Variants in PNLIPRP3 observed in about 807,000 individuals in gnomAD.
PNLIPRP3 encodes pancreatic lipase related protein 3.
In PNLIPRP3, 58 loss-of-function variants were observed where a neutral mutation model predicts 52.8. The ratio of observed to expected loss-of-function variants is 1.10; its 90% CI spans 0.89 to 1.37. The LOEUF is 1.37. Ranked by LOEUF, PNLIPRP3 falls within the 40% of genes most tolerant of loss-of-function variation. The pLI is 0.00. For missense variants in PNLIPRP3, 593 were observed against 561.6 expected, an observed-to-expected ratio of 1.06 and a Z score of -0.57; for synonymous variants, 192 against 185.0, an observed-to-expected ratio of 1.04 and a Z score of -0.31.
At chr10:116,441,175 A>C (rs543466655) in intron 2 of PNLIPRP3, among the ~76,000 whole-genome samples, 1 of 152,268 alleles carries the variant, frequency 6.6e-6, no homozygotes. Flanking sequence ...TGAATGTGAA[A>C]GTGTTTTCTC....
chr10:116,440,271 C>A (rs532633787), intron 2 of PNLIPRP3, among the ~76,000 whole-genome samples: 4 of 152,034 alleles, frequency 2.6e-5, no homozygotes, highest in Non-Finnish European at 4.4e-5. Flanking sequence ...CTGTGGAGCA[C>A]GGTCAGTAAA....
chr10:116,458,224 A>G (rs1846143155), intron 5 of PNLIPRP3, among the ~76,000 whole-genome samples: 1 of 152,084 alleles, frequency 6.6e-6, no homozygotes, highest in Non-Finnish European at 1.5e-5. Flanking sequence ...AGGAAAAATT[A>G]CTCTCATTTT....
intron 7 of PNLIPRP3, among the ~76,000 whole-genome samples, chr10:116,463,022 C>T (rs954749764): frequency 3.9e-5 from 6 of 152,032 alleles, no homozygotes; most frequent in South Asian, 4.1e-4. Context: ...TCTAATGAAC[C>T]GTCTTGTCTA....
intron 5 of PNLIPRP3, among the ~76,000 whole-genome samples, chr10:116,460,337 C>A (rs978172567): frequency 6.6e-6 from 1 of 152,206 alleles, no homozygotes; most frequent in Non-Finnish European, 1.5e-5. Flanking sequence ...AAGATCATAA[C>A]ATTTTAAAGA....
intron 4 of PNLIPRP3, among the ~76,000 whole-genome samples, chr10:116,446,874 T>C (rs1845961381): frequency 6.6e-6 from 1 of 152,200 alleles, no homozygotes; most frequent in Admixed American, 6.5e-5. Flanking sequence ...CCGCTTCACC[T>C]TGTGGACAGA....
chr10:116,445,575 C>T lies in PNLIPRP3; in HGVS notation c.456+1062C>T, dbSNP rs1845937914. 1.3e-5 allele frequency among the ~76,000 whole-genome samples: 2 copies of T among 148,784 alleles called. 1 individual carries two copies. Among genetic ancestry groups the T allele is most frequent in the East Asian group, 3.9e-4 (2 of 5,148 alleles). The stretch of plus-strand genomic sequence containing the variant: ...TCTCTTTATAAAAAAAAAAAGCCAG[C>T]TGTAAGCTTTTGTGAGTTTCTTTAT... On this transcript the variant is annotated intron_variant, in intron 4 of 11. Coordinates refer to ENST00000369230, the MANE Select transcript of PNLIPRP3 (RefSeq NM_001011709.3).
intron 9 of PNLIPRP3, 123 bp from the exon 10 acceptor site, chr10:116,471,645 A>G: frequency 1.5e-6 from 1 of 679,890 alleles, no homozygotes; most frequent in Non-Finnish European, 2.5e-6. Flanking sequence ...TTGCATGAAT[A>G]TGTGCAGCAC....
chr10:116,459,144 C>T (rs928350284), intron 5 of PNLIPRP3, among the ~76,000 whole-genome samples: 32 of 152,080 alleles, frequency 2.1e-4, no homozygotes, highest in African/African-American at 7.0e-4. Flanking sequence ...CTCCCTCTCT[C>T]CAGGCTACTT....
In PNLIPRP3 at chr10:116,461,382, A is replaced by T. The variant is rs1846190533; in HGVS notation, c.808+92A>T. ...CCACCTACTTTTGTGTATAATATACATATAAAATGTATTTTCTCTCAAAAC... is the reference window on the plus strand; with the variant it reads ...CCACCTACTTTTGTGTATAATATACTTATAAAATGTATTTTCTCTCAAAAC... On this transcript the variant is annotated intron_variant, in intron 7 of 11. Coordinates refer to ENST00000369230, the MANE Select transcript of PNLIPRP3 (RefSeq NM_001011709.3). 10 of 1,403,548 alleles carry T rather than the reference A, an allele frequency of 7.1e-6. No individual in the cohort carries two copies. In the Admixed American group the frequency reaches 2.1e-4, roughly 29 times the overall value. 86.9% of individuals were successfully genotyped at this position (1,403,548 alleles called of 1,614,324 possible).
intron 8 of PNLIPRP3, among the ~76,000 whole-genome samples, chr10:116,467,439 G>A (rs17094793): frequency 0.068 from 10,349 of 152,120 alleles, 953 homozygotes; most frequent in East Asian, 0.39. Context: ...TGTTACAGTA[G>A]CCCTAGCCTA....
intron 2 of PNLIPRP3, among the ~76,000 whole-genome samples, chr10:116,437,707 A>G (rs1037299363): frequency 6.6e-6 from 1 of 152,120 alleles, no homozygotes; most frequent in Non-Finnish European, 1.5e-5. Flanking sequence ...ACTAGAGGTG[A>G]CTATGAGGCC....
At chr10:116,467,278 G>A (rs964038473) in intron 8 of PNLIPRP3, among the ~76,000 whole-genome samples, 13 of 152,146 alleles carry the variant, frequency 8.5e-5, no homozygotes, top group Non-Finnish European at 1.6e-4. Flanking sequence ...TGTAGTCCCA[G>A]CTACTTGGGA....
chr10:116,446,724 A>T (rs1465391658), intron 4 of PNLIPRP3, among the ~76,000 whole-genome samples: 2 of 152,188 alleles, frequency 1.3e-5, no homozygotes, highest in Non-Finnish European at 2.9e-5. Flanking sequence ...GAAATTAAGA[A>T]ACTAGTTGAG....
intron 10 of PNLIPRP3, 71 bp downstream of exon 10, chr10:116,471,950 G>C: frequency 2.2e-6 from 2 of 907,196 alleles, no homozygotes; most frequent in Non-Finnish European, 3.4e-6. Context: ...GACTGGCTCA[G>C]TAAGCTGTTT....
intron 2 of PNLIPRP3, chr10:116,440,129 C>A: frequency 1.6e-6 from 1 of 628,514 alleles, no homozygotes; most frequent in East Asian, 2.6e-5. Context: ...GGGGCACCTT[C>A]TCTGCCTTTT....
At chr10:116,450,228 T>C (rs561631901) in intron 4 of PNLIPRP3, among the ~76,000 whole-genome samples, 33 of 152,336 alleles carry the variant, frequency 2.2e-4, no homozygotes, top group Middle Eastern at 3.4e-3. Context: ...AGAACAGCTT[T>C]GAATGTGGCC....
At chr10:116,461,366 T>C (rs1846190392) in intron 7 of PNLIPRP3, 76 bp downstream of exon 7, 13 of 1,500,756 alleles carry the variant, frequency 8.7e-6, no homozygotes, top group Non-Finnish European at 1.1e-5. Context: ...TCCACCTACT[T>C]TTGTGTATAA....
At chr10:116,467,792 C>T (rs1016830101) in intron 8 of PNLIPRP3, among the ~76,000 whole-genome samples, 2 of 151,954 alleles carry the variant, frequency 1.3e-5, no homozygotes, top group Non-Finnish European at 1.5e-5. Flanking sequence ...ATTAGTTCTC[C>T]TACTAATGTG....
chr10:116,471,866 T>C lies in PNLIPRP3; in HGVS notation c.1159T>C (p.Phe387Leu). Reference protein sequence around the residue: ...VGGAVRKTGEFAIVSGKLEPG... With the variant: ...VGGAVRKTGELAIVSGKLEPG... ...CGGGGCAGTTAGGAAAACTGGGGAG[T>C]TTGCCATTGTCAGGTAGGCAGAGTG... Residue 387 changes from phenylalanine to leucine, a missense_variant, in exon 10 of 12, where the codon TTT (phenylalanine) becomes CTT (leucine). By Grantham distance (22) the Phe-to-Leu change is conservative. Transcript: ENST00000369230. The C allele has an allele frequency of 1.3e-6, 2 of 1,584,514 alleles. No homozygotes were observed. The highest frequency in any genetic ancestry group is 1.7e-6 in the Non-Finnish European group (2 of 1,154,354).
Sources: gnomAD v4.1 joint callset for allele counts (sites outside exome capture counted in the v4.1 genomes callset) on GRCh38, gnomAD v4.1.1 for gene constraint, MANE v1.5 for transcripts, NCBI Gene and HGNC (gene_info 2026-07-23, HGNC 2026-07-21) for gene names.